ITIH5: variants seen among roughly 807,000 people sequenced by gnomAD.
The protein encoded by ITIH5 is inter-alpha-trypsin inhibitor heavy chain 5.
ITIH5 carries 65 observed loss-of-function variants against 77.5 expected under a neutral mutation model. The observed-to-expected ratio is 0.84, with a 90% CI of 0.69 to 1.03. The LOEUF is 1.03. Ranked by LOEUF, ITIH5 falls within the 50% of genes least tolerant of loss-of-function variation. The pLI, the probability that ITIH5 is intolerant of heterozygous loss-of-function variation, is 0.00. For missense variants in ITIH5, 1,208 were observed against 1,213.1 expected, an observed-to-expected ratio of 1.00 and a Z score of 0.06; for synonymous variants, 525 against 494.3, an observed-to-expected ratio of 1.06 and a Z score of -0.82.
At chr10:7,601,640 TG>T in intron 7 of ITIH5, among the ~76,000 whole-genome samples, 1 of 152,134 alleles carries the variant, frequency 6.6e-6, no homozygotes, top group South Asian at 2.1e-4. Context: ...TCCTTCCAGG[TG>T]GCCCCAGGAA....
chr10:7,656,381 A>G (rs1200459775), intron 1 of ITIH5, among the ~76,000 whole-genome samples: 1 of 152,042 alleles, frequency 6.6e-6, no homozygotes, highest in Non-Finnish European at 1.5e-5. Flanking sequence ...GATCGGGGTC[A>G]TTTTTGTATT....
chr10:7,579,732 G>GC, intron 9 of ITIH5, 23 bp downstream of exon 9: 1 of 1,604,578 alleles, frequency 6.2e-7, no homozygotes, highest in Non-Finnish European at 8.5e-7. Context: ...AGCCTCTCAT[G>GC]CCTACGAAGA....
intron 11 of ITIH5, among the ~76,000 whole-genome samples, chr10:7,572,582 G>A (rs369353601): frequency 1.3e-5 from 2 of 152,030 alleles, no homozygotes; most frequent in South Asian, 4.1e-4. Flanking sequence ...ATTGGGTGGT[G>A]CAATATAGCT....
intron 8 of ITIH5, 118 bp downstream of exon 8, chr10:7,585,783 C>A (rs12413114): frequency 1.1e-6 from 1 of 883,358 alleles, no homozygotes; most frequent in Non-Finnish European, 1.7e-6. Context: ...TGCAGTCTCC[C>A]TTCCTGCCAT....
rs1832806094 is a variant in ITIH5, at chr10:7,592,192, T to G, written c.940-6123A>C. Among the ~76,000 whole-genome samples the G allele has an allele frequency of 4.6e-5, 7 of 152,172 alleles. No homozygotes were observed. In the South Asian group the frequency reaches 1.4e-3, roughly 31 times the overall value. ...ACACTTTTTCTGGTTTATTATTGTA[T>G]ATTTATTATTCTATATTTAATACCC... On this transcript the variant is annotated intron_variant, in intron 7 of 13. Coordinates refer to ENST00000397146, the MANE Select transcript of ITIH5 (RefSeq NM_030569.7).
rs1021632185 is a variant in ITIH5 at position 7,593,115 on chromosome 10, C to T, written c.940-7046G>A. Reference sequence around the variant, plus strand: ...CTGGCATTTTTTTTTCCCCACAGGACGGATATTCTGCTTTAGGAAGAGCTA... The same window carrying T: ...CTGGCATTTTTTTTTCCCCACAGGATGGATATTCTGCTTTAGGAAGAGCTA... On this transcript the variant is annotated intron_variant, in intron 7 of 13. Transcript: ENST00000397146. Among the ~76,000 whole-genome samples, 33 of 152,066 alleles carry T rather than the reference C, an allele frequency of 2.2e-4. 1 individual carries two copies. The highest frequency in any genetic ancestry group is 6.2e-4 in the South Asian group (3 of 4,828).
intron 7 of ITIH5, among the ~76,000 whole-genome samples, chr10:7,602,283 A>G (rs1428566363): frequency 6.6e-6 from 1 of 152,170 alleles, no homozygotes; most frequent in Non-Finnish European, 1.5e-5. Flanking sequence ...CTCCATCTGA[A>G]TACCTTCACC....
chr10:7,608,124 T>A (rs1169607339), intron 7 of ITIH5, among the ~76,000 whole-genome samples: 1 of 152,200 alleles, frequency 6.6e-6, no homozygotes, highest in Non-Finnish European at 1.5e-5. Context: ...CAAGCTTGCA[T>A]CCTCCTGCTT....
At chr10:7,564,162 G>A (rs557323684) in intron 13 of ITIH5, among the ~76,000 whole-genome samples, 1 of 152,344 alleles carries the variant, frequency 6.6e-6, no homozygotes, top group East Asian at 1.9e-4. Flanking sequence ...CAAAGGAACT[G>A]GACCCTCAGG....
intron 5 of ITIH5, among the ~76,000 whole-genome samples, chr10:7,634,233 C>G (rs2131068748): frequency 6.6e-6 from 1 of 152,194 alleles, no homozygotes; most frequent in African/African-American, 2.4e-5. Flanking sequence ...CTCATTCACA[C>G]AATCATAGTT....
At position 7,566,724 on chromosome 10, in the gene ITIH5, TAAA is replaced by T. The variant is rs758378979; in HGVS notation, c.2150-320_2150-318del. On this transcript the variant is annotated intron_variant, in intron 12 of 13. Transcript: ENST00000397146. ...GCTACAGAGTGAGATCCTATCTCAT[TAAA>T]AAAAAAAAAAAAAAGAAGAAGAAGA... is the stretch of plus-strand genomic sequence containing the variant. Among the ~76,000 whole-genome samples the T allele has an allele frequency of 4.6e-3, 42 of 9,148 alleles. 1 individual carries two copies. Among genetic ancestry groups the T allele is most frequent in the Admixed American group, 0.011 (6 of 522 alleles). The allele number at this position is 9,148 out of a possible 152,430, so 6.0% of individuals were successfully genotyped here. A position where few individuals can be genotyped will look rare whatever the true frequency, so the allele number is the denominator to read the frequency against.
At chr10:7,631,619 G>C (rs139222341) in intron 5 of ITIH5, among the ~76,000 whole-genome samples, 3 of 152,182 alleles carry the variant, frequency 2.0e-5, no homozygotes, top group African/African-American at 7.2e-5. Flanking sequence ...TGGAAGAGCA[G>C]AAGCAGGAGA....
intron 2 of ITIH5, among the ~76,000 whole-genome samples, chr10:7,652,661 C>A (rs1227535296): frequency 6.6e-6 from 1 of 152,094 alleles, no homozygotes. Context: ...TTAGAGGCTA[C>A]GTGTACAAAG....
At chr10:7,592,781 G>A (rs577198041) in intron 7 of ITIH5, among the ~76,000 whole-genome samples, 7 of 152,348 alleles carry the variant, frequency 4.6e-5, no homozygotes, top group African/African-American at 1.2e-4. Flanking sequence ...GCCTGTGTGA[G>A]CATCAGACAG....
chr10:7,640,786 T>G lies in ITIH5; in HGVS notation c.369A>C (p.Lys123Asn). The change falls in exon 4 of 14, where the codon AAA becomes AAC. Residue 123 changes from lysine to asparagine, a missense_variant. Physicochemically the swap from Lys to Asn is moderately conservative, Grantham distance 94 (BLOSUM62 0). Transcript: ENST00000397146. ...CTTCTGTGGTTTTATTCCTTTTCTC[T>G]TTTACCCTATCACCACTCTTCTTTT... ...EREKKSGDRV[K>N]EKRNKTTEEN... The G allele has an allele frequency of 6.2e-7, 1 of 1,612,914 alleles. No individual in the cohort carries two copies. The highest frequency in any genetic ancestry group is 8.5e-7 in the Non-Finnish European group (1 of 1,178,938).
chr10:7,609,580 T>C (rs1267902663), intron 7 of ITIH5: 1 of 419,110 alleles, frequency 2.4e-6, no homozygotes, highest in African/African-American at 2.1e-5. Context: ...TTTGCCCTCA[T>C]TTTAACTTGA....
chr10:7,644,809 A>ACATATATAT lies in ITIH5; in HGVS notation c.136-2728_136-2720dup, dbSNP rs1374923815. 1.8e-4 allele frequency among the ~76,000 whole-genome samples: 19 copies of ACATATATAT among 107,428 alleles called. No homozygotes were observed. The South Asian group carries it at 6.0e-3, about 34-fold the overall frequency. The allele number at this position is 107,428 out of a possible 152,430, so 70.5% of individuals were successfully genotyped here. The stretch of plus-strand genomic sequence containing the variant: ...ATATATCATATATATCATATATATC[A>ACATATATAT]CATATATATCATATATATCACATAT... On this transcript the variant is annotated intron_variant, in intron 2 of 13. Coordinates refer to ENST00000397146, the MANE Select transcript of ITIH5 (RefSeq NM_030569.7).
At chr10:7,622,465 G>A (rs1281965941) in intron 5 of ITIH5, 3 of 151,948 alleles carry the variant, frequency 2.0e-5, no homozygotes, top group Admixed American at 2.0e-4. Context: ...ATACATACTA[G>A]CTCCATCCTC....
At chr10:7,630,204 A>G (rs1377717498) in intron 5 of ITIH5, among the ~76,000 whole-genome samples, 1 of 152,184 alleles carries the variant, frequency 6.6e-6, no homozygotes, top group African/African-American at 2.4e-5. Flanking sequence ...CATAAGATTT[A>G]CTCATTTTAA....
Sources: allele counts gnomAD v4.1 joint callset (sites outside exome capture counted in the v4.1 genomes callset), GRCh38; gene constraint gnomAD v4.1.1; transcripts MANE v1.5; gene names NCBI Gene and HGNC (gene_info 2026-07-23, HGNC 2026-07-21).